ATXN7L1: variants seen among roughly 807,000 people sequenced by gnomAD.
ATXN7L1 encodes the protein ataxin-7-like protein 1.
Under a neutral mutation model 70.8 loss-of-function variants are expected in ATXN7L1, and 15 were observed. The observed-to-expected ratio is 0.21, with a 90% CI of 0.14 to 0.33. The LOEUF (loss-of-function observed/expected upper bound fraction) is 0.33, where lower values mean the gene tolerates loss of function less well. Ranked by LOEUF, ATXN7L1 falls within the 10% of genes least tolerant of loss-of-function variation. The pLI is 1.00. For synonymous variants in ATXN7L1, 440 were observed against 445.1 expected, an observed-to-expected ratio of 0.99 and a Z score of 0.14; for missense variants, 975 against 1,097.1, an observed-to-expected ratio of 0.89 and a Z score of 1.57.
chr7:105,665,693 C>A (rs935745909), intron 3 of ATXN7L1, among the ~76,000 whole-genome samples: 1 of 152,178 alleles, frequency 6.6e-6, no homozygotes, highest in African/African-American at 2.4e-5. Context: ...GTGGACAGGG[C>A]AGGACTCTTA....
chr7:105,866,477 ACG>A (rs1357232651), intron 2 of ATXN7L1, among the ~76,000 whole-genome samples: 18 of 152,262 alleles, frequency 1.2e-4, no homozygotes, highest in Admixed American at 1.1e-3. Flanking sequence ...TCACTTATAG[ACG>A]ACTAGGGCAG....
rs543065811 is a variant in ATXN7L1 at position 105,794,562 on chromosome 7, A to G, written c.251-5854T>C. Among the ~76,000 whole-genome samples the G allele has an allele frequency of 2.6e-5, 4 of 152,386 alleles. No homozygotes were observed. In the South Asian group the frequency reaches 8.3e-4, roughly 32 times the overall value. ...TTCCTGGCTCGATTTCTCCAGCTAT[A>G]AAATGGAAAATTATATTCATCATGT... is the stretch of plus-strand genomic sequence containing the variant. On this transcript the variant is annotated intron_variant, in intron 2 of 11. Coordinates refer to ENST00000419735, the MANE Select transcript of ATXN7L1 (RefSeq NM_020725.2).
rs1177003346 is a variant in ATXN7L1 at position 105,605,053 on chromosome 7, T to TTTTTA, written c.*2798_*2799insTAAAA. 1 of 142,358 alleles carries TTTTTA rather than the reference T, an allele frequency of 7.0e-6. No homozygotes were observed. Among genetic ancestry groups the TTTTTA allele is most frequent in the Non-Finnish European group, 1.5e-5 (1 of 64,536 alleles). The allele number at this position is 142,358 out of a possible 1,614,324, so 8.8% of individuals were successfully genotyped here. ...AGTTATCCAAGTCGCTTTTTTTTTTTTTTTTTTTTTTTTATGGCTGACAGG... is the reference window on the plus strand; with the variant it reads ...AGTTATCCAAGTCGCTTTTTTTTTTTTTTTATTTTTTTTTTTTTATGGCTGACAGG... On this transcript the variant is annotated 3_prime_UTR_variant, in exon 12 of 12. Coordinates refer to ENST00000419735, the MANE Select transcript of ATXN7L1 (RefSeq NM_020725.2).
chr7:105,734,485 G>A (rs564281281), intron 3 of ATXN7L1, among the ~76,000 whole-genome samples: 2 of 152,300 alleles, frequency 1.3e-5, no homozygotes, highest in South Asian at 4.1e-4. Context: ...CTCCCGTCAA[G>A]GTGATCCTCT....
chr7:105,788,439 G>A, intron 3 of ATXN7L1, 165 bp downstream of exon 3: 1 of 607,406 alleles, frequency 1.6e-6, no homozygotes, highest in Non-Finnish European at 2.9e-6. Context: ...AAGGACTACA[G>A]CTCCTAAAAC....
At chr7:105,762,976 A>G (rs1800742429) in intron 3 of ATXN7L1, among the ~76,000 whole-genome samples, 1 of 152,172 alleles carries the variant, frequency 6.6e-6, no homozygotes, top group South Asian at 2.1e-4. Flanking sequence ...GAGTCATCTT[A>G]GGAGTGGGTC....
At chr7:105,755,192 T>C (rs1799664407) in intron 3 of ATXN7L1, among the ~76,000 whole-genome samples, 1 of 151,496 alleles carries the variant, frequency 6.6e-6, no homozygotes, top group South Asian at 2.1e-4. Flanking sequence ...AGGTGTTTCC[T>C]TCTCTAGAAG....
At chr7:105,727,011 C>G (rs562323227) in intron 3 of ATXN7L1, among the ~76,000 whole-genome samples, 1 of 152,330 alleles carries the variant, frequency 6.6e-6, no homozygotes, top group South Asian at 2.1e-4. Flanking sequence ...TCACTATTCT[C>G]TAGAAATAAA....
At chr7:105,668,149 G>A (rs1279149946) in intron 3 of ATXN7L1, among the ~76,000 whole-genome samples, 4 of 152,164 alleles carry the variant, frequency 2.6e-5, no homozygotes, top group African/African-American at 9.7e-5. Flanking sequence ...CAAAATAAAT[G>A]TGCCAGGCCA....
chr7:105,806,242 G>T (rs926693066), intron 2 of ATXN7L1, among the ~76,000 whole-genome samples: 2 of 152,064 alleles, frequency 1.3e-5, no homozygotes, highest in Admixed American at 6.5e-5. Context: ...GGACCTTTGG[G>T]GAATGATGAG....
chr7:105,626,166 A>T (rs965098169), intron 7 of ATXN7L1, among the ~76,000 whole-genome samples: 1 of 152,266 alleles, frequency 6.6e-6, no homozygotes, highest in African/African-American at 2.4e-5. Context: ...ACAAGATAAA[A>T]TATGGTATAT....
At chr7:105,858,343 T>G (rs2116648319) in intron 2 of ATXN7L1, among the ~76,000 whole-genome samples, 1 of 152,354 alleles carries the variant, frequency 6.6e-6, no homozygotes, top group South Asian at 2.1e-4. Flanking sequence ...AGGAATTTAA[T>G]AGTTCATCCC....
chr7:105,718,613 T>A (rs929885337), intron 3 of ATXN7L1, among the ~76,000 whole-genome samples: 5 of 152,178 alleles, frequency 3.3e-5, no homozygotes, highest in Non-Finnish European at 5.9e-5. Flanking sequence ...AGTTTGCATC[T>A]CTGCAGTTGA....
chr7:105,771,436 T>C (rs1563079583), intron 3 of ATXN7L1, among the ~76,000 whole-genome samples: 1 of 152,140 alleles, frequency 6.6e-6, no homozygotes, highest in Non-Finnish European at 1.5e-5. Flanking sequence ...TAGTGGATCA[T>C]AGGATTCTGA....
rs973809309 is a variant in ATXN7L1, at chr7:105,754,460, C to T, written c.355+34144G>A. Among the ~76,000 whole-genome samples the T allele has an allele frequency of 5.9e-5, 9 of 151,308 alleles. No individual in the cohort carries two copies. In the South Asian group the frequency reaches 6.2e-4, roughly 11 times the overall value. ...CTGCCCAGGCTGAAGTAAAGTGGTG[C>T]GATCATAGCTCACCGTGGTCTACAT... On this transcript the variant is annotated intron_variant, in intron 3 of 11. Transcript: ENST00000419735.
intron 2 of ATXN7L1, among the ~76,000 whole-genome samples, chr7:105,839,780 T>G (rs1812929536): frequency 6.6e-6 from 1 of 152,058 alleles, no homozygotes; most frequent in African/African-American, 2.4e-5. Flanking sequence ...GTGCCAGGCA[T>G]GGGAAAGAGG....
intron 10 of ATXN7L1, 140 bp downstream of exon 10, chr7:105,613,721 AG>A: frequency 6.6e-7 from 1 of 1,508,238 alleles, no homozygotes; most frequent in Non-Finnish European, 8.9e-7. Flanking sequence ...CTCAAAGCAG[AG>A]GGTGAAAACT....
intron 2 of ATXN7L1, among the ~76,000 whole-genome samples, chr7:105,824,942 AT>A: frequency 6.6e-6 from 1 of 151,880 alleles, no homozygotes; most frequent in East Asian, 1.9e-4. Flanking sequence ...AAACAAAAAA[AT>A]AAAAAAAACA....
intron 4 of ATXN7L1, among the ~76,000 whole-genome samples, chr7:105,647,924 G>A (rs544499602): frequency 3.3e-5 from 5 of 152,236 alleles, no homozygotes; most frequent in African/African-American, 1.2e-4. Flanking sequence ...AATGAGTGTG[G>A]CCCAATCATA....
Sources: gnomAD v4.1 joint callset for allele counts (sites outside exome capture counted in the v4.1 genomes callset) on GRCh38, gnomAD v4.1.1 for gene constraint, MANE v1.5 for transcripts, NCBI Gene and HGNC (gene_info 2026-07-23, HGNC 2026-07-21) for gene names.